The following GRXCR1 variants were observed in gnomAD, a reference collection of about 807,000 sequenced individuals.
The protein encoded by GRXCR1 is glutaredoxin and cysteine rich domain containing 1, also known as glutaredoxin domain-containing cysteine-rich protein 1.
A neutral mutation model predicts 27.3 loss-of-function variants in GRXCR1; 27 were observed. That is an observed-to-expected ratio of 0.99 (90% confidence interval 0.73 to 1.37). GRXCR1 has a LOEUF of 1.37. Ranked by LOEUF, GRXCR1 falls within the 40% of genes most tolerant of loss-of-function variation. The probability of loss-of-function intolerance (pLI) is 0.00; values close to 1 mark genes in which losing one functional copy is unlikely to be tolerated. For synonymous variants in GRXCR1, 122 were observed against 131.1 expected, an observed-to-expected ratio of 0.93 and a Z score of 0.47; for missense variants, 379 against 354.4, an observed-to-expected ratio of 1.07 and a Z score of -0.56.
intron 1 of GRXCR1, among the ~76,000 whole-genome samples, chr4:42,929,639 G>T (rs540967411): frequency 1.3e-5 from 2 of 151,754 alleles, no homozygotes; most frequent in African/African-American, 2.4e-5. Context: ...GGTGGAAGAC[G>T]GAGAAATGCT....
chr4:42,933,275 G>T (rs1486582327), intron 1 of GRXCR1, among the ~76,000 whole-genome samples: 1 of 151,774 alleles, frequency 6.6e-6, no homozygotes, highest in Non-Finnish European at 1.5e-5. Flanking sequence ...AGTGCTTTAT[G>T]GGGGAAAAGG....
chr4:42,921,365 A>G (rs546894865), intron 1 of GRXCR1, among the ~76,000 whole-genome samples: 1 of 152,222 alleles, frequency 6.6e-6, no homozygotes, highest in African/African-American at 2.4e-5. Context: ...ATAGCAGCCC[A>G]AGTGGTCTAA....
intron 2 of GRXCR1, among the ~76,000 whole-genome samples, chr4:42,988,975 A>G (rs569417409): frequency 6.6e-6 from 1 of 152,204 alleles, no homozygotes; most frequent in African/African-American, 2.4e-5. Context: ...GTGACCTTAA[A>G]CACTTCAACT....
At chr4:42,934,885 T>C (rs537756419) in intron 1 of GRXCR1, among the ~76,000 whole-genome samples, 8 of 151,944 alleles carry the variant, frequency 5.3e-5, no homozygotes, top group Non-Finnish European at 7.4e-5. Context: ...TATGGTCAGT[T>C]ACACTTTTCT....
intron 2 of GRXCR1, among the ~76,000 whole-genome samples, chr4:42,978,145 T>A (rs920254098): frequency 4.6e-5 from 7 of 152,192 alleles, no homozygotes; most frequent in South Asian, 4.1e-4. Context: ...CTGTATTCTG[T>A]TCCTTTGGTC....
chr4:42,935,375 G>T (rs1260350916), intron 1 of GRXCR1, among the ~76,000 whole-genome samples: 1 of 151,846 alleles, frequency 6.6e-6, no homozygotes, highest in Non-Finnish European at 1.5e-5. Flanking sequence ...TGGATGTTGT[G>T]CACTAAGTGG....
intron 2 of GRXCR1, among the ~76,000 whole-genome samples, chr4:43,013,852 C>T (rs1288342844): frequency 6.6e-6 from 1 of 151,902 alleles, no homozygotes; most frequent in Admixed American, 6.6e-5. Context: ...TGGCTTTCTG[C>T]CATAGAGAAG....
chr4:42,936,794 T>G (rs1747468699), intron 1 of GRXCR1, among the ~76,000 whole-genome samples: 1 of 151,870 alleles, frequency 6.6e-6, no homozygotes, highest in Non-Finnish European at 1.5e-5. Flanking sequence ...TTCTCCACAA[T>G]TAGATTATGG....
intron 2 of GRXCR1, among the ~76,000 whole-genome samples, chr4:42,969,072 G>T (rs1171439517): frequency 6.6e-6 from 1 of 152,034 alleles, no homozygotes; most frequent in Non-Finnish European, 1.5e-5. Flanking sequence ...GTTAATAAGG[G>T]CTGCAGAGAT....
intron 2 of GRXCR1, among the ~76,000 whole-genome samples, chr4:42,993,618 T>C (rs1712049933): frequency 6.6e-6 from 1 of 152,174 alleles, no homozygotes; most frequent in Non-Finnish European, 1.5e-5. Context: ...GCAAACTCTA[T>C]TTTGTAATAA....
chr4:42,966,638 T>A (rs1464610144), intron 2 of GRXCR1, among the ~76,000 whole-genome samples: 3 of 151,944 alleles, frequency 2.0e-5, no homozygotes, highest in Non-Finnish European at 4.4e-5. Flanking sequence ...CAAGAAGGAG[T>A]TGGCTCCAGA....
At chr4:42,959,586 A>G (rs1748083865) in intron 1 of GRXCR1, among the ~76,000 whole-genome samples, 1 of 151,996 alleles carries the variant, frequency 6.6e-6, no homozygotes, top group Non-Finnish European at 1.5e-5. Context: ...TAATGTATGT[A>G]TTAATTTGCT....
rs1038856410 is a variant in GRXCR1 at position 42,959,319 on chromosome 4, G to A, written c.385-3573G>A. Among the ~76,000 whole-genome samples, 13 of 151,934 alleles carry A rather than the reference G, an allele frequency of 8.6e-5. No individual in the cohort carries two copies. The South Asian group carries it at 1.0e-3, about 12-fold the overall frequency. ...TATTATGCTAAGTGAAATAAGCCAG[G>A]CAGAGAAAGAAAAATACTGCGTGAT... On this transcript the variant is annotated intron_variant, in intron 1 of 3. Transcript: ENST00000399770.
intron 1 of GRXCR1, among the ~76,000 whole-genome samples, chr4:42,910,984 A>T (rs780255107): frequency 5.9e-5 from 9 of 152,134 alleles, no homozygotes; most frequent in Non-Finnish European, 1.0e-4. Context: ...CTCTTGTAAC[A>T]CCCATATTAT....
chr4:42,971,945 C>T (rs1401813082), intron 2 of GRXCR1, among the ~76,000 whole-genome samples: 1 of 152,096 alleles, frequency 6.6e-6, no homozygotes, highest in Non-Finnish European at 1.5e-5. Flanking sequence ...GTTGCTCAGG[C>T]TGGAGGGCAC....
intron 2 of GRXCR1, among the ~76,000 whole-genome samples, chr4:42,992,936 T>C (rs1712021522): frequency 6.6e-6 from 1 of 152,104 alleles, no homozygotes; most frequent in Non-Finnish European, 1.5e-5. Flanking sequence ...ATTAACCAAT[T>C]TGGGGAGAAA....
chr4:42,939,960 C>T lies in GRXCR1; in HGVS notation c.385-22932C>T, dbSNP rs147174920. 7.2e-5 allele frequency among the ~76,000 whole-genome samples: 11 copies of T among 151,880 alleles called. No individual in the cohort carries two copies. The East Asian group carries it at 1.4e-3, about 19-fold the overall frequency. On this transcript the variant is annotated intron_variant, in intron 1 of 3. Coordinates refer to ENST00000399770, the MANE Select transcript of GRXCR1 (RefSeq NM_001080476.3). ...GTTGAGACAGAAGTATTAGAAGGGC[C>T]GAGTGGGAGCAATGTCCTTTTCTTA...
chr4:42,940,268 A>G (rs1747585933), intron 1 of GRXCR1, among the ~76,000 whole-genome samples: 1 of 152,048 alleles, frequency 6.6e-6, no homozygotes, highest in Non-Finnish European at 1.5e-5. Context: ...CAAAATTACC[A>G]TGTAAATATT....
intron 1 of GRXCR1, among the ~76,000 whole-genome samples, chr4:42,895,775 A>G (rs1746334229): frequency 6.6e-6 from 1 of 152,098 alleles, no homozygotes; most frequent in Non-Finnish European, 1.5e-5. Flanking sequence ...TCTTAGGATG[A>G]TAGTGTATAT....
Sources: gnomAD v4.1 joint callset for allele counts (sites outside exome capture counted in the v4.1 genomes callset) on GRCh38, gnomAD v4.1.1 for gene constraint, MANE v1.5 for transcripts, NCBI Gene and HGNC (gene_info 2026-07-23, HGNC 2026-07-21) for gene names.